The following SMAD3 variants were observed in gnomAD, a reference collection of about 807,000 sequenced individuals.
The protein encoded by SMAD3 is SMAD family member 3.
Under a neutral mutation model 51.8 loss-of-function variants are expected in SMAD3, and 12 were observed. That is an observed-to-expected ratio of 0.23 (90% CI 0.15 to 0.38). SMAD3 has a LOEUF of 0.38. Ranked by LOEUF, SMAD3 falls within the 10% of genes least tolerant of loss-of-function variation. The pLI, the probability that SMAD3 is intolerant of heterozygous loss-of-function variation, is 1.00. For synonymous variants in SMAD3, 238 were observed against 227.7 expected (o/e 1.05, Z -0.41); for missense variants, 294 against 565.6 (o/e 0.52, Z 4.87).
intron 4 of SMAD3, 147 bp from the exon 5 acceptor site, chr15:67,170,407 G>T: frequency 1.4e-6 from 1 of 711,734 alleles, no homozygotes. Context: ...GCAAGGGTAT[G>T]GGCTAGGCCT....
intron 1 of SMAD3, among the ~76,000 whole-genome samples, chr15:67,077,240 C>T (rs1042003825): frequency 1.3e-5 from 2 of 151,532 alleles, no homozygotes; most frequent in East Asian, 1.9e-4. Context: ...TATGTATGTA[C>T]GTATGTATGT....
At chr15:67,163,944 T>TAAAA (rs57803788) in intron 1 of SMAD3, among the ~76,000 whole-genome samples, 41 of 87,888 alleles carry the variant, frequency 4.7e-4, no homozygotes, top group East Asian at 1.9e-3. Flanking sequence ...GTATCAAAAG[T>TAAAA]AAAAAAAAAA....
In SMAD3 at chr15:67,091,029, G is replaced by A. The variant is rs77738378; in HGVS notation, c.206+24669G>A. On this transcript the variant is annotated intron_variant, in intron 1 of 8. Transcript: ENST00000327367. ...GGAATCCAGGAGAATTTATTGTATT[G>A]TTACCATCTGGTTTCATGGAGTCTG... is the stretch of plus-strand genomic sequence containing the variant. 3.5e-3 allele frequency among the ~76,000 whole-genome samples: 529 copies of A among 152,264 alleles called. 13 individuals are homozygous for A. In the East Asian group the frequency reaches 0.066, roughly 19 times the overall value.
chr15:67,133,347 A>G (rs1244549039), intron 1 of SMAD3, among the ~76,000 whole-genome samples: 6 of 151,590 alleles, frequency 4.0e-5, no homozygotes, highest in African/African-American at 1.5e-4. Context: ...ATAATCTTTT[A>G]CACCGTAACA....
chr15:67,134,572 A>ACCT (rs1234800658), intron 1 of SMAD3, among the ~76,000 whole-genome samples: 3 of 152,100 alleles, frequency 2.0e-5, no homozygotes, highest in Non-Finnish European at 4.4e-5. Flanking sequence ...CAGCGACCCT[A>ACCT]CCTCCAGCTT....
At position 67,194,497 on chromosome 15, in the gene SMAD3, AT is replaced by A. The variant is rs975954141; in HGVS notation, c.*3970del. The A allele has an allele frequency of 2.6e-4, 58 of 225,868 alleles. No homozygotes were observed. The highest frequency in any genetic ancestry group is 1.3e-3 in the Middle Eastern group (1 of 770). The allele number at this position is 225,868 out of a possible 1,614,324, so 14.0% of individuals were successfully genotyped here. A position where few individuals can be genotyped will look rare whatever the true frequency, so the allele number is the denominator to read the frequency against. ...GAAATTCTCAGTGATTCTGCAATGG[AT>A]TTTTTTTTAATGCAGAAGTAATGTA... On this transcript the variant is annotated 3_prime_UTR_variant, in exon 9 of 9. Transcript: ENST00000327367.
At chr15:67,069,195 C>T (rs1311944050) in intron 1 of SMAD3, among the ~76,000 whole-genome samples, 3 of 152,166 alleles carry the variant, frequency 2.0e-5, no homozygotes, top group Non-Finnish European at 4.4e-5. Flanking sequence ...ATCAGGGGAG[C>T]TGGCGTGATA....
chr15:67,148,953 G>A (rs1348724074), intron 1 of SMAD3, among the ~76,000 whole-genome samples: 1 of 152,136 alleles, frequency 6.6e-6, no homozygotes, highest in Non-Finnish European at 1.5e-5. Flanking sequence ...GGCACAGTTG[G>A]GAAGGGAAGT....
At chr15:67,114,954 C>T (rs1961103180) in intron 1 of SMAD3, among the ~76,000 whole-genome samples, 1 of 152,210 alleles carries the variant, frequency 6.6e-6, no homozygotes, top group South Asian at 2.1e-4. Flanking sequence ...TTTCACACCT[C>T]CTGTCTCAAA....
intron 1 of SMAD3, among the ~76,000 whole-genome samples, chr15:67,094,122 G>T (rs1444364447): frequency 6.6e-6 from 1 of 152,224 alleles, no homozygotes; most frequent in Non-Finnish European, 1.5e-5. Context: ...GGCAGGCAGT[G>T]GGACCACCTG....
chr15:67,081,872 C>CTAT (rs907052064), intron 1 of SMAD3, among the ~76,000 whole-genome samples: 1 of 152,076 alleles, frequency 6.6e-6, no homozygotes, highest in Non-Finnish European at 1.5e-5. Context: ...AGGGCCCAGG[C>CTAT]TATTCCTTTG....
rs1469277663 is a variant in SMAD3, at chr15:67,193,762, T to C, written c.*3226T>C. 4.3e-6 allele frequency: 1 copy of C among 233,316 alleles called. No individual in the cohort carries two copies. Among genetic ancestry groups the C allele is most frequent in the Non-Finnish European group, 8.5e-6 (1 of 117,706 alleles). The allele number at this position is 233,316 out of a possible 1,614,324, so 14.5% of individuals were successfully genotyped here. On this transcript the variant is annotated 3_prime_UTR_variant, in exon 9 of 9. Transcript: ENST00000327367. ...ATCGTTAATATACTGAAGTGAGCTATAGCACATATCATGTGCTTAGTTTGT... is the reference window on the plus strand; with the variant it reads ...ATCGTTAATATACTGAAGTGAGCTACAGCACATATCATGTGCTTAGTTTGT...
intron 1 of SMAD3, chr15:67,146,889 G>C (rs1306617647): frequency 6.6e-6 from 1 of 152,302 alleles, no homozygotes; most frequent in East Asian, 1.9e-4. Context: ...AGCTAGATGG[G>C]GCCTGACATA....
intron 5 of SMAD3, among the ~76,000 whole-genome samples, chr15:67,175,169 T>C (rs12913547): frequency 0.26 from 38,887 of 152,118 alleles, 5,158 homozygotes; most frequent in East Asian, 0.4. Context: ...GGCTTCTGCC[T>C]GGTGAGTAAG....
Position 67,066,379 on chromosome 15 carries a change from G to A in SMAD3, c.206+19G>A. The A allele has an allele frequency of 1.2e-6, 2 of 1,603,360 alleles. No homozygotes were observed. Among genetic ancestry groups the A allele is most frequent in the Non-Finnish European group, 1.7e-6 (2 of 1,173,224 alleles). On this transcript the variant is annotated intron_variant, in intron 1 of 8. Transcript: ENST00000327367. Reference sequence around the variant, plus strand: ...TCCCCAGGTGGGGGCCCGCCCGGGGGGGACCCGGGGTCACGCCGGCCCAGC... The same window carrying A: ...TCCCCAGGTGGGGGCCCGCCCGGGGAGGACCCGGGGTCACGCCGGCCCAGC...
chr15:67,127,160 C>T (rs1319496222), intron 1 of SMAD3, among the ~76,000 whole-genome samples: 1 of 152,196 alleles, frequency 6.6e-6, no homozygotes, highest in Non-Finnish European at 1.5e-5. Context: ...GGCATAAACC[C>T]AGGTGGCCCA....
chr15:67,089,789 G>A (rs1960472404), intron 1 of SMAD3, among the ~76,000 whole-genome samples: 1 of 152,224 alleles, frequency 6.6e-6, no homozygotes, highest in South Asian at 2.1e-4. Flanking sequence ...CCTGGAAGTG[G>A]GTGCTAGTCT....
At chr15:67,105,369 C>A (rs1960854620) in intron 1 of SMAD3, among the ~76,000 whole-genome samples, 1 of 152,154 alleles carries the variant, frequency 6.6e-6, no homozygotes, top group Admixed American at 6.6e-5. Flanking sequence ...ACCTCCACGG[C>A]CACAGTGGAA....
At chr15:67,130,350 C>T (rs1022012715) in intron 1 of SMAD3, among the ~76,000 whole-genome samples, 3 of 152,168 alleles carry the variant, frequency 2.0e-5, no homozygotes, top group South Asian at 2.1e-4. Flanking sequence ...ACCCCGGGGC[C>T]GTGGACTGAT....
Sources: allele counts gnomAD v4.1 joint callset (sites outside exome capture counted in the v4.1 genomes callset), GRCh38; gene constraint gnomAD v4.1.1; transcripts MANE v1.5; gene names NCBI Gene and HGNC (gene_info 2026-07-23, HGNC 2026-07-21).